The following MRAP2 variants were observed in gnomAD, a reference collection of about 807,000 sequenced individuals.
MRAP2 encodes the protein melanocortin 2 receptor accessory protein 2.
MRAP2 carries 20 observed loss-of-function variants against 17.4 expected under a neutral mutation model. The ratio of observed to expected loss-of-function variants is 1.15; its 90% confidence interval spans 0.81 to 1.67. The LOEUF is 1.67. Ranked by LOEUF, MRAP2 falls within the 40% of genes most tolerant of loss-of-function variation. MRAP2 has a pLI of 0.00. For missense variants in MRAP2, 238 were observed against 240.0 expected (o/e 0.99, Z 0.05); for synonymous variants, 96 against 88.4 (o/e 1.09, Z -0.48).
the MRAP2 span, among the ~76,000 whole-genome samples, chr6:84,138,502 A>T: frequency 4.5e-3 from 693 of 152,330 alleles, 8 homozygotes; most frequent in African/African-American, 0.016. Flanking sequence ...CAAAACAGCT[A>T]GAATATTACA....
the MRAP2 span, among the ~76,000 whole-genome samples, chr6:84,099,759 CA>C: frequency 6.6e-6 from 1 of 152,174 alleles, no homozygotes; most frequent in East Asian, 1.9e-4. Context: ...AACTGTGAGC[CA>C]AACAAACCTC....
At chr6:84,049,620 A>G (rs2099489891) in intron 1 of MRAP2, among the ~76,000 whole-genome samples, 1 of 152,194 alleles carries the variant, frequency 6.6e-6, no homozygotes, top group Non-Finnish European at 1.5e-5. Flanking sequence ...TCTTTATTTC[A>G]GGTGGTGACT....
intron 3 of MRAP2, among the ~76,000 whole-genome samples, chr6:84,081,090 A>T (rs1339610736): frequency 6.6e-6 from 1 of 152,234 alleles, no homozygotes; most frequent in Non-Finnish European, 1.5e-5. Flanking sequence ...TGTATTAGGG[A>T]TGTTGACAAA....
intron 1 of MRAP2, among the ~76,000 whole-genome samples, chr6:84,038,919 C>G (rs555672226): frequency 6.6e-6 from 1 of 152,226 alleles, no homozygotes; most frequent in African/African-American, 2.4e-5. Context: ...AACCAAAATA[C>G]AGTTGACATT....
chr6:84,131,045 G>A, the MRAP2 span, among the ~76,000 whole-genome samples: 1 of 152,208 alleles, frequency 6.6e-6, no homozygotes, highest in South Asian at 2.1e-4. Flanking sequence ...CAGAGATTCT[G>A]GTACGTCATG....
chr6:84,066,703 A>C (rs2099494792), intron 3 of MRAP2, among the ~76,000 whole-genome samples: 2 of 152,178 alleles, frequency 1.3e-5, no homozygotes, highest in African/African-American at 2.4e-5. Context: ...ACAGATAAGA[A>C]ACATGAGGCT....
chr6:84,045,313 G>C, intron 1 of MRAP2: 11 of 985,402 alleles, frequency 1.1e-5, no homozygotes, highest in Non-Finnish European at 1.3e-5. Context: ...TGATGAGGCT[G>C]CGAGGGCAGA....
intron 1 of MRAP2, among the ~76,000 whole-genome samples, chr6:84,040,966 A>T (rs2129158120): frequency 6.6e-6 from 1 of 152,330 alleles, no homozygotes; most frequent in East Asian, 1.9e-4. Context: ...CAAAGGGGAA[A>T]ATGTCTCCAG....
At chr6:84,087,966 C>T (rs58118148) in intron 3 of MRAP2, among the ~76,000 whole-genome samples, 20,619 of 152,122 alleles carry the variant, frequency 0.14, 1,434 homozygotes, top group Middle Eastern at 0.23. Flanking sequence ...TAGTGATATA[C>T]AATCAGGTTT....
intron 3 of MRAP2, 126 bp from the exon 4 acceptor site, chr6:84,088,965 C>A: frequency 1.0e-6 from 1 of 999,994 alleles, no homozygotes; most frequent in Non-Finnish European, 1.4e-6. Flanking sequence ...GCATGCCATG[C>A]AAGGGGCTTA....
At chr6:84,097,844 T>A in the MRAP2 span, among the ~76,000 whole-genome samples, 1 of 152,224 alleles carries the variant, frequency 6.6e-6, no homozygotes, top group Non-Finnish European at 1.5e-5. Context: ...GAAATTATCT[T>A]CCATGAGAGA....
intron 1 of MRAP2, among the ~76,000 whole-genome samples, chr6:84,034,570 A>G (rs2129154755): frequency 6.7e-6 from 1 of 149,724 alleles, no homozygotes; most frequent in East Asian, 2.0e-4. Context: ...GAGGAAGGCA[A>G]AGAGTAGTCT....
At chr6:84,088,011 G>A (rs999243955) in intron 3 of MRAP2, among the ~76,000 whole-genome samples, 3 of 151,558 alleles carry the variant, frequency 2.0e-5, no homozygotes, top group Non-Finnish European at 2.9e-5. Context: ...TTGTTTTTTT[G>A]TTTTTCACCT....
intron 1 of MRAP2, among the ~76,000 whole-genome samples, chr6:84,051,095 G>GA (rs1341500982): frequency 2.0e-5 from 3 of 152,226 alleles, no homozygotes; most frequent in African/African-American, 4.8e-5. Flanking sequence ...CCTTAACATG[G>GA]AAAAAAAGTG....
At chr6:84,136,722 A>G in the MRAP2 span, among the ~76,000 whole-genome samples, 2 of 151,466 alleles carry the variant, frequency 1.3e-5, no homozygotes, top group Admixed American at 6.5e-5. Context: ...AAATCAATGA[A>G]AAAAAATGCT....
At chr6:84,037,188 A>G (rs1241068661) in intron 1 of MRAP2, among the ~76,000 whole-genome samples, 1 of 152,162 alleles carries the variant, frequency 6.6e-6, no homozygotes, top group African/African-American at 2.4e-5. Flanking sequence ...TGGTGTGATT[A>G]CAAACCTTGA....
At chr6:84,045,435 C>A in intron 1 of MRAP2, 1 of 971,588 alleles carries the variant, frequency 1.0e-6, no homozygotes, top group Non-Finnish European at 1.2e-6. Context: ...CAGCCGTCAC[C>A]CTTCATTGAA....
chr6:84,068,784 CTTTTTTTTTTTT>C (rs34220070), intron 3 of MRAP2, among the ~76,000 whole-genome samples: 12 of 55,196 alleles, frequency 2.2e-4, no homozygotes, highest in African/African-American at 3.2e-4. Flanking sequence ...TTGCTGAATT[CTTTTTTTTTTTT>C]TTTTTTTTTT....
chr6:84,087,512 C>G (rs1754175307), intron 3 of MRAP2, among the ~76,000 whole-genome samples: 1 of 152,158 alleles, frequency 6.6e-6, no homozygotes, highest in Admixed American at 6.5e-5. Flanking sequence ...TCCTAGGTGA[C>G]ATTTTAGTTT....
Sources: gnomAD v4.1 joint callset for allele counts (sites outside exome capture counted in the v4.1 genomes callset) on GRCh38, gnomAD v4.1.1 for gene constraint, MANE v1.5 for transcripts, NCBI Gene and HGNC (gene_info 2026-07-23, HGNC 2026-07-21) for gene names.